Variants in CRISP3 observed in about 807,000 individuals in gnomAD.
The protein encoded by CRISP3 is cysteine rich secretory protein 3.
A neutral mutation model predicts 36.1 loss-of-function variants in CRISP3; 33 were observed. The observed-to-expected ratio is 0.91, with a 90% CI of 0.69 to 1.22. CRISP3 has a LOEUF of 1.22. CRISP3 is among the 50% of genes most tolerant of loss of function. The pLI is 0.00. For synonymous variants in CRISP3, 117 were observed against 104.6 expected (o/e 1.12, Z -0.72); for missense variants, 330 against 301.2 (o/e 1.10, Z -0.71).
chr6:49,741,995 C>G (rs1769218004), intron 1 of CRISP3, among the ~76,000 whole-genome samples: 1 of 149,712 alleles, frequency 6.7e-6, no homozygotes, highest in African/African-American at 2.4e-5. Context: ...GAGAACACAC[C>G]AAAATTAACA....
intron 1 of CRISP3, among the ~76,000 whole-genome samples, chr6:49,737,934 A>C (rs932709848): frequency 6.6e-6 from 1 of 152,186 alleles, no homozygotes; most frequent in Admixed American, 6.5e-5. Flanking sequence ...AAACCCTAGA[A>C]AGTCCTCTAC....
rs1230281739 is a variant in CRISP3 at position 49,736,386 on chromosome 6, C to G, written c.228+5G>C. On this transcript the variant is annotated splice_donor_5th_base_variant and intron_variant, in intron 3 of 7. Transcript: ENST00000263045. Reference sequence around the variant, plus strand: ...ACCCCTCTCCTTTGCAATATCACCTCTTACCATCTTCAGCATGTTTCTGGC... The same window carrying G: ...ACCCCTCTCCTTTGCAATATCACCTGTTACCATCTTCAGCATGTTTCTGGC... The G allele has an allele frequency of 3.1e-6, 5 of 1,594,806 alleles. No homozygotes were observed. The highest frequency in any genetic ancestry group is 4.3e-6 in the Non-Finnish European group (5 of 1,163,308).
chr6:49,732,215 T>C (rs1315515747), intron 6 of CRISP3, among the ~76,000 whole-genome samples: 1 of 152,224 alleles, frequency 6.6e-6, no homozygotes, highest in Non-Finnish European at 1.5e-5. Flanking sequence ...TGACTCCAGA[T>C]GCTCTCCTCT....
rs759705015 is a variant in CRISP3 at position 49,737,338 on chromosome 6, G to A, written c.98C>T (p.Ala33Val). The A allele has an allele frequency of 3.1e-6, 5 of 1,613,682 alleles. No individual in the cohort carries two copies. The South Asian group carries it at 5.5e-5, about 18-fold the overall frequency. ...CTTCAACCATACCTTATCTTCATTT[G>A]CTGGAAAAGATGGAAGCAGCCCAGC... is the stretch of plus-strand genomic sequence containing the variant. ...LVAGLLPSFP[A>V]NEDKDPAFTA... is the part of the protein sequence containing the mutation. Residue 33 changes from alanine (A) to valine (V), a missense_variant, in exon 2 of 8, where the codon GCA becomes GTA. Coordinates refer to ENST00000263045, the MANE Select transcript of CRISP3 (RefSeq NM_006061.4).
chr6:49,737,917 A>T (rs921249465), intron 1 of CRISP3, among the ~76,000 whole-genome samples: 1 of 152,158 alleles, frequency 6.6e-6, no homozygotes, highest in African/African-American at 2.4e-5. Flanking sequence ...TATACTTGCC[A>T]TTCTTCAAAC....
intron 1 of CRISP3, among the ~76,000 whole-genome samples, chr6:49,743,234 CT>C (rs1181861278): frequency 6.6e-6 from 1 of 151,952 alleles, no homozygotes. Context: ...AATAACGTAA[CT>C]GAAATTCATA....
In CRISP3 at chr6:49,727,798, A is replaced by G. The variant is rs1412573637; in HGVS notation, c.*932T>C. 1.3e-5 allele frequency: 2 copies of G among 152,172 alleles called. No individual in the cohort carries two copies. Among genetic ancestry groups the G allele is most frequent in the African/African-American group, 4.8e-5 (2 of 41,466 alleles). The allele number at this position is 152,172 out of a possible 1,614,324, so 9.4% of individuals were successfully genotyped here. ...GAGTTTGCTGGATGTTTTAGCTCATAATTAGATTGGGATTATGAATTTTTA... is the reference window on the plus strand; with the variant it reads ...GAGTTTGCTGGATGTTTTAGCTCATGATTAGATTGGGATTATGAATTTTTA... On this transcript the variant is annotated 3_prime_UTR_variant, in exon 8 of 8. Transcript: ENST00000263045.
rs1159498136 is a variant in CRISP3, at chr6:49,728,009, A to AT, written c.*720_*721insA. Reference sequence around the variant, plus strand: ...CTCACAAGGGAGAGGACTGAGTTCTACCTCCTTGAGTGGAGGGTATTTACC... The same window carrying AT: ...CTCACAAGGGAGAGGACTGAGTTCTATCCTCCTTGAGTGGAGGGTATTTACC... On this transcript the variant is annotated 3_prime_UTR_variant, in exon 8 of 8. Transcript: ENST00000263045. 1 of 151,972 alleles carries AT rather than the reference A, an allele frequency of 6.6e-6. No individual in the cohort carries two copies. The highest frequency in any genetic ancestry group is 2.4e-5 in the African/African-American group (1 of 41,390). 9.4% of individuals were successfully genotyped at this position (151,972 alleles called of 1,614,324 possible).
chr6:49,729,247 T>C (rs1768854139), intron 7 of CRISP3, among the ~76,000 whole-genome samples: 1 of 152,076 alleles, frequency 6.6e-6, no homozygotes, highest in Non-Finnish European at 1.5e-5. Context: ...AAATTTCAGG[T>C]CTTTCCTCAA....
In CRISP3 at chr6:49,735,580, T is replaced by C; in HGVS notation, c.240A>G (p.Lys80=). 6.2e-7 allele frequency: 1 copy of C among 1,612,192 alleles called. No homozygotes were observed. ...ARNMLKMEWN[K]EAAANAQKWA... Reference sequence around the variant, plus strand: ...ACTTTTGGGCATTTGCTGCAGCCTCTTTGTTCCATTCCTGAAACAAGGACA... The same window carrying C: ...ACTTTTGGGCATTTGCTGCAGCCTCCTTGTTCCATTCCTGAAACAAGGACA... Residue 80 remains lysine, a synonymous_variant, in exon 4 of 8, where the codon AAA becomes AAG. Transcript: ENST00000263045.
chr6:49,731,501 A>C (rs1768916165), intron 6 of CRISP3, among the ~76,000 whole-genome samples: 1 of 152,180 alleles, frequency 6.6e-6, no homozygotes, highest in Non-Finnish European at 1.5e-5. Flanking sequence ...TTAAAGTCTA[A>C]AGTTTTTAAA....
At chr6:49,730,572 TTGA>T (rs1179571310) in intron 7 of CRISP3, among the ~76,000 whole-genome samples, 1 of 152,196 alleles carries the variant, frequency 6.6e-6, no homozygotes, top group African/African-American at 2.4e-5. Flanking sequence ...GATATAAACT[TTGA>T]TGAGAATAAA....
chr6:49,744,235 A>G (rs1380931685), intron 1 of CRISP3, 96 bp downstream of exon 1: 9 of 850,926 alleles, frequency 1.1e-5, no homozygotes, highest in Non-Finnish European at 1.5e-5. Context: ...TAGATAAAAT[A>G]TACGAATATA....
intron 1 of CRISP3, among the ~76,000 whole-genome samples, chr6:49,741,203 A>T (rs1235245225): frequency 1.3e-5 from 2 of 151,552 alleles, no homozygotes; most frequent in Non-Finnish European, 2.9e-5. Context: ...AGAACCAATG[A>T]TAATAAGGTC....
Position 49,735,584 on chromosome 6 carries a change from T to C in CRISP3, c.236A>G (p.Asn79Ser). The C allele has an allele frequency of 6.2e-7, 1 of 1,611,690 alleles. No individual in the cohort carries two copies. Among genetic ancestry groups the C allele is most frequent in the South Asian group, 1.1e-5 (1 of 90,884 alleles). Residue 79 changes from asparagine (N) to serine (S), a missense_variant, in exon 4 of 8, where the codon AAC becomes AGC. Coordinates refer to ENST00000263045, the MANE Select transcript of CRISP3 (RefSeq NM_006061.4). ...TTGGGCATTTGCTGCAGCCTCTTTG[T>C]TCCATTCCTGAAACAAGGACAGAAA... is the stretch of plus-strand genomic sequence containing the variant. ...PARNMLKMEW[N>S]KEAAANAQKW...
chr6:49,742,575 C>T (rs1375204487), intron 1 of CRISP3, among the ~76,000 whole-genome samples: 3 of 137,308 alleles, frequency 2.2e-5, no homozygotes, highest in East Asian at 4.3e-4. Flanking sequence ...GAGGTTGCAG[C>T]GAGCCGAGAG....
At chr6:49,738,587 C>T (rs966706223) in intron 1 of CRISP3, among the ~76,000 whole-genome samples, 3 of 152,154 alleles carry the variant, frequency 2.0e-5, no homozygotes, top group African/African-American at 7.2e-5. Context: ...GGGGCTGGGA[C>T]TGGGTCTCCC....
At chr6:49,729,730 T>G (rs1768869160) in intron 7 of CRISP3, among the ~76,000 whole-genome samples, 1 of 152,162 alleles carries the variant, frequency 6.6e-6, no homozygotes, top group Admixed American at 6.5e-5. Context: ...ACTGTTCTAT[T>G]TTCTTCCTAT....
chr6:49,733,957 G>T (rs1382037390), intron 4 of CRISP3, 109 bp from the exon 5 acceptor site: 1 of 951,858 alleles, frequency 1.1e-6, no homozygotes, highest in South Asian at 1.5e-5. Context: ...TTTAAATACA[G>T]TCCCCAGTAC....
Sources: gnomAD v4.1 joint callset for allele counts (sites outside exome capture counted in the v4.1 genomes callset) on GRCh38, gnomAD v4.1.1 for gene constraint, MANE v1.5 for transcripts, NCBI Gene and HGNC (gene_info 2026-07-23, HGNC 2026-07-21) for gene names.